Variants in MAP2K4 observed in about 807,000 individuals in gnomAD.
The protein encoded by MAP2K4 is dual specificity mitogen-activated protein kinase kinase 4.
Under a neutral mutation model 48.5 loss-of-function variants are expected in MAP2K4, and 4 were observed. The observed-to-expected ratio is 0.08, with a 90% confidence interval of 0.04 to 0.19. The LOEUF is 0.19. Ranked by LOEUF, MAP2K4 falls within the 10% of genes least tolerant of loss-of-function variation. The pLI is 1.00. For synonymous variants in MAP2K4, 166 were observed against 173.1 expected (o/e 0.96, Z 0.32); for missense variants, 258 against 493.3 (o/e 0.52, Z 4.52).
At chr17:12,045,398 T>C (rs2151519359) in intron 1 of MAP2K4, among the ~76,000 whole-genome samples, 1 of 152,194 alleles carries the variant, frequency 6.6e-6, no homozygotes, top group Non-Finnish European at 1.5e-5. Context: ...CTTGCTAGGG[T>C]TCAAGCAAGC....
At position 12,137,012 on chromosome 17, in the gene MAP2K4, G is replaced by T. The variant is rs115494845; in HGVS notation, c.1041-2827G>T. ...GCTTTAGATACTGGTTTTGCAACCA[G>T]AGGACTGGAACTGTAATTGTCCTAA... On this transcript the variant is annotated intron_variant, in intron 9 of 10. Transcript: ENST00000353533. Among the ~76,000 whole-genome samples the T allele has an allele frequency of 8.7e-3, 1,330 of 152,288 alleles. 18 individuals carry two copies. Among genetic ancestry groups the T allele is most frequent in the African/African-American group, 0.029 (1,207 of 41,570 alleles).
chr17:12,020,985 C>G lies in MAP2K4; in HGVS notation c.99C>G (p.Ala33=). ...GGTCCCCGGCGCCAGGCCACCCGGC[C>G]GTCAGCAGCATGCAGGGTAAGGAAC... is the stretch of plus-strand genomic sequence containing the variant. ...PVGSPAPGHP[A]VSSMQGKRKA... is the part of the protein sequence containing the mutation. Residue 33 remains alanine, a synonymous_variant, in exon 1 of 11, where the codon GCC becomes GCG. Transcript: ENST00000353533. 2.5e-6 allele frequency: 3 copies of G among 1,211,920 alleles called. No individual in the cohort carries two copies. The highest frequency in any genetic ancestry group is 3.1e-6 in the Non-Finnish European group (3 of 974,992). The allele number at this position is 1,211,920 out of a possible 1,614,324, so 75.1% of individuals were successfully genotyped here.
intron 1 of MAP2K4, chr17:12,032,260 C>A: frequency 1.4e-6 from 2 of 1,414,098 alleles, no homozygotes; most frequent in East Asian, 2.6e-5. Context: ...ATCTTTTTTA[C>A]TTTAGGCTTT....
chr17:12,088,911 CT>C (rs5819350), intron 3 of MAP2K4, among the ~76,000 whole-genome samples: 20,280 of 128,000 alleles, frequency 0.16, 1,155 homozygotes, highest in South Asian at 0.27. Context: ...AATACAGATT[CT>C]TTTTTTTTTT....
At chr17:12,043,704 G>T (rs765993730) in intron 1 of MAP2K4, among the ~76,000 whole-genome samples, 1 of 152,150 alleles carries the variant, frequency 6.6e-6, no homozygotes, top group African/African-American at 2.4e-5. Context: ...CCTGTATAGG[G>T]CAAGGTATTG....
In MAP2K4 at chr17:12,113,394, G is replaced by A. The variant is rs1453873631; in HGVS notation, c.813+34G>A. On this transcript the variant is annotated intron_variant, in intron 7 of 10. Coordinates refer to ENST00000353533, the MANE Select transcript of MAP2K4 (RefSeq NM_003010.4). ...TAAGTCCAGGCCTTCTTGCTTGATAGTCATTGCACAGAGAGCCTGTGCTCT... is the reference window on the plus strand; with the variant it reads ...TAAGTCCAGGCCTTCTTGCTTGATAATCATTGCACAGAGAGCCTGTGCTCT... 6 of 1,605,962 alleles carry A rather than the reference G, an allele frequency of 3.7e-6. No individual in the cohort carries two copies. The South Asian group carries it at 6.6e-5, about 18-fold the overall frequency.
chr17:12,049,646 C>T (rs955400209), intron 1 of MAP2K4, among the ~76,000 whole-genome samples: 1 of 152,136 alleles, frequency 6.6e-6, no homozygotes, highest in Non-Finnish European at 1.5e-5. Flanking sequence ...CTCAGGGTAG[C>T]TTTCCAGGAG....
chr17:12,098,121 AC>A (rs1191969748), intron 4 of MAP2K4, among the ~76,000 whole-genome samples: 2 of 152,232 alleles, frequency 1.3e-5, no homozygotes, highest in Non-Finnish European at 2.9e-5. Context: ...TAAAAGTGTT[AC>A]TTTTATTAGT....
At chr17:12,122,260 C>G (rs547144612) in intron 7 of MAP2K4, among the ~76,000 whole-genome samples, 2 of 152,320 alleles carry the variant, frequency 1.3e-5, no homozygotes, top group South Asian at 4.1e-4. Flanking sequence ...TTTTCTCTTG[C>G]AACATACGGA....
intron 3 of MAP2K4, among the ~76,000 whole-genome samples, chr17:12,084,506 G>C (rs1971294673): frequency 6.6e-6 from 1 of 152,212 alleles, no homozygotes; most frequent in Non-Finnish European, 1.5e-5. Context: ...AGCTCAGGGA[G>C]AACAACCTTC....
intron 9 of MAP2K4, among the ~76,000 whole-genome samples, chr17:12,130,385 G>T (rs1465525657): frequency 6.6e-6 from 1 of 152,088 alleles, no homozygotes; most frequent in Non-Finnish European, 1.5e-5. Context: ...GTACTAATTT[G>T]CACACAGTAT....
chr17:12,035,712 T>C (rs1267670799), intron 1 of MAP2K4, among the ~76,000 whole-genome samples: 1 of 152,172 alleles, frequency 6.6e-6, no homozygotes, highest in Non-Finnish European at 1.5e-5. Context: ...CATACAGTAG[T>C]TGTAGGAGGG....
At chr17:12,137,520 G>A (rs1255900645) in intron 9 of MAP2K4, among the ~76,000 whole-genome samples, 1 of 152,164 alleles carries the variant, frequency 6.6e-6, no homozygotes, top group Non-Finnish European at 1.5e-5. Context: ...TCTCTAGACT[G>A]GAAATAATTG....
chr17:12,068,671 G>A (rs1466569367), intron 2 of MAP2K4, among the ~76,000 whole-genome samples: 1 of 151,860 alleles, frequency 6.6e-6, no homozygotes, highest in African/African-American at 2.4e-5. Context: ...GGGTCATAGG[G>A]CAAGATCGAG....
At chr17:12,021,242 T>G in intron 1 of MAP2K4, 3 of 284,076 alleles carry the variant, frequency 1.1e-5, no homozygotes, top group Admixed American at 5.3e-5. Context: ...CCCTGGGCCC[T>G]ACCGGGCTCT....
intron 8 of MAP2K4, among the ~76,000 whole-genome samples, chr17:12,128,328 C>T (rs941910591): frequency 1.8e-4 from 27 of 152,310 alleles, no homozygotes; most frequent in South Asian, 2.1e-4. Flanking sequence ...CCACCCGCCT[C>T]GGCATCCCAA....
At chr17:12,109,614 T>C (rs1972239886) in intron 5 of MAP2K4, among the ~76,000 whole-genome samples, 1 of 152,202 alleles carries the variant, frequency 6.6e-6, no homozygotes, top group Admixed American at 6.5e-5. Flanking sequence ...GGCAACAGGA[T>C]AAATTCCCAC....
chr17:12,108,801 AAAAAGAT>A (rs1338939548), intron 5 of MAP2K4, among the ~76,000 whole-genome samples: 1 of 152,040 alleles, frequency 6.6e-6, no homozygotes, highest in Non-Finnish European at 1.5e-5. Flanking sequence ...ATAATTTCAT[AAAAAGAT>A]TTTATGAAAT....
chr17:12,022,291 A>G (rs1301594164), intron 1 of MAP2K4, among the ~76,000 whole-genome samples: 1 of 152,242 alleles, frequency 6.6e-6, no homozygotes, highest in East Asian at 1.9e-4. Flanking sequence ...AGTGATAGAT[A>G]TATAGACAGG....
Sources: gnomAD v4.1 joint callset for allele counts (sites outside exome capture counted in the v4.1 genomes callset) on GRCh38, gnomAD v4.1.1 for gene constraint, MANE v1.5 for transcripts, NCBI Gene and HGNC (gene_info 2026-07-23, HGNC 2026-07-21) for gene names.